BPIFB6: variants seen among roughly 807,000 people sequenced by gnomAD.
The protein encoded by BPIFB6 is BPI fold containing family B member 6.
BPIFB6 carries 47 observed loss-of-function variants against 54.7 expected under a neutral mutation model. The ratio of observed to expected loss-of-function variants is 0.86; its 90% confidence interval spans 0.68 to 1.10. The LOEUF (loss-of-function observed/expected upper bound fraction) is 1.10. Ranked by LOEUF, BPIFB6 falls within the 50% of genes least tolerant of loss-of-function variation. The probability of loss-of-function intolerance (pLI) is 0.00; values close to 1 mark genes in which losing one functional copy is unlikely to be tolerated. For synonymous variants in BPIFB6, 255 were observed against 225.9 expected (o/e 1.13, Z -1.16); for missense variants, 603 against 564.1 (o/e 1.07, Z -0.70).
rs1979646905 is a variant in BPIFB6 at position 33,042,861 on chromosome 20, A to G, written c.1235A>G (p.Tyr412Cys). Reference sequence around the variant, plus strand: ...ATCACCAGCTATCTCGAAGAAGCCTACATCCCAGTTGTCAATGGTGAGGGT... The same window carrying G: ...ATCACCAGCTATCTCGAAGAAGCCTGCATCCCAGTTGTCAATGGTGAGGGT... ...GFITSYLEEA[Y>C]IPVVNDVLQV... Residue 412 changes from tyrosine to cysteine, a missense_variant, in exon 13 of 15, where the codon TAC becomes TGC. Coordinates refer to ENST00000349552, the MANE Select transcript of BPIFB6 (RefSeq NM_174897.2). 1.2e-6 allele frequency: 2 copies of G among 1,614,186 alleles called. No individual in the cohort carries two copies. Among genetic ancestry groups the G allele is most frequent in the Non-Finnish European group, 1.7e-6 (2 of 1,180,002 alleles).
At chr20:33,038,433 A>C (rs550706337) in intron 8 of BPIFB6, among the ~76,000 whole-genome samples, 1 of 151,660 alleles carries the variant, frequency 6.6e-6, no homozygotes, top group Admixed American at 6.6e-5. Context: ...CCATCCACTC[A>C]TCCTCCTATC....
chr20:33,033,144 T>C, intron 2 of BPIFB6, 61 bp downstream of exon 2: 1 of 1,290,170 alleles, frequency 7.8e-7, no homozygotes, highest in East Asian at 2.3e-5. Context: ...GGGATTGCTG[T>C]GCCCAAGATC....
chr20:33,038,792 T>TTA, intron 8 of BPIFB6, 117 bp from the exon 9 acceptor site: 1 of 967,478 alleles, frequency 1.0e-6, no homozygotes, highest in Non-Finnish European at 1.7e-6. Flanking sequence ...ACTCAGAGCG[T>TTA]TAAGTATTGT....
At chr20:33,033,534 G>A (rs1979194202) in intron 2 of BPIFB6, 1 of 456,280 alleles carries the variant, frequency 2.2e-6, no homozygotes, top group Admixed American at 2.3e-5. Context: ...AGGGCTCTGA[G>A]GCACTGTCTG....
At chr20:33,042,102 A>T in intron 12 of BPIFB6, 87 bp downstream of exon 12, 6 of 1,399,586 alleles carry the variant, frequency 4.3e-6, no homozygotes, top group Non-Finnish European at 6.1e-6. Flanking sequence ...GAGGCCCTGA[A>T]ATGGAGGCAG....
chr20:33,035,080 G>A lies in BPIFB6; in HGVS notation c.453-1G>A, dbSNP rs943097932. 1.9e-6 allele frequency: 3 copies of A among 1,613,644 alleles called. No individual in the cohort carries two copies. The African/African-American group carries it at 4.0e-5, about 22-fold the overall frequency. On this transcript the variant is annotated splice_acceptor_variant, in intron 4 of 14. Transcript: ENST00000349552. LOFTEE classifies it high-confidence loss of function. ...TATCCTCGGTGCCTGTGTCCATCTA[G>A]CATGCTCCCCAAGATGGTCAACAAG... is the stretch of plus-strand genomic sequence containing the variant.
chr20:33,032,741 C>T (rs867074530), intron 1 of BPIFB6, among the ~76,000 whole-genome samples: 2 of 152,196 alleles, frequency 1.3e-5, no homozygotes, highest in Non-Finnish European at 1.5e-5. Flanking sequence ...TGATCTGTCA[C>T]CTCCTCCTGG....
Position 33,034,257 on chromosome 20 carries a change from G to A in BPIFB6, c.269G>A (p.Cys90Tyr), listed in dbSNP as rs768019730. Residue 90 changes from cysteine (C) to tyrosine (Y), a missense_variant, in exon 3 of 15, where the codon TGT becomes TAT. Transcript: ENST00000349552. ...GTACCTGGAGTGGGCATCTTCCAAT[G>A]TGTGTCCACAGGCATGACCGTCACT... Reference protein sequence around the residue: ...NFVPGVGIFQCVSTGMTVTGK... With the variant: ...NFVPGVGIFQYVSTGMTVTGK... 2 of 1,614,072 alleles carry A rather than the reference G, an allele frequency of 1.2e-6. No individual in the cohort carries two copies. The highest frequency in any genetic ancestry group is 2.2e-5 in the East Asian group (1 of 44,880).
intron 11 of BPIFB6, 66 bp downstream of exon 11, chr20:33,040,384 A>G (rs1371195428): frequency 6.9e-7 from 1 of 1,451,302 alleles, no homozygotes; most frequent in African/African-American, 1.4e-5. Context: ...GATCTAGCAC[A>G]CCCCACACTA....
At chr20:33,041,100 C>CT (rs1393476009) in intron 11 of BPIFB6, among the ~76,000 whole-genome samples, 3 of 151,742 alleles carry the variant, frequency 2.0e-5, no homozygotes, top group Non-Finnish European at 4.4e-5. Context: ...TGCCATTCTC[C>CT]TGCCTCAACC....
intron 6 of BPIFB6, 101 bp downstream of exon 6, chr20:33,035,773 C>A: frequency 2.4e-6 from 3 of 1,262,724 alleles, no homozygotes; most frequent in Non-Finnish European, 3.5e-6. Context: ...TCCAGCCCAG[C>A]CTTGGGACTA....
intron 12 of BPIFB6, among the ~76,000 whole-genome samples, 197 bp downstream of exon 12, chr20:33,042,212 G>A (rs1358218123): frequency 7.2e-5 from 11 of 152,178 alleles, no homozygotes; most frequent in Non-Finnish European, 1.3e-4. Context: ...TCCTTTTCTG[G>A]ATAGAATCTG....
intron 11 of BPIFB6, among the ~76,000 whole-genome samples, chr20:33,041,051 G>A (rs1047411201): frequency 4.1e-5 from 6 of 147,044 alleles, no homozygotes; most frequent in Admixed American, 6.8e-5. Context: ...GTGCAGTGGC[G>A]CAATCTCGGC....
intron 6 of BPIFB6, 95 bp downstream of exon 6, chr20:33,035,767 G>C: frequency 7.5e-7 from 1 of 1,330,356 alleles, no homozygotes; most frequent in Non-Finnish European, 1.1e-6. Flanking sequence ...CCTGCTTCCA[G>C]CCCAGCCTTG....
intron 12 of BPIFB6, 43 bp from the exon 13 acceptor site, chr20:33,042,772 T>C (rs1287291780): frequency 2.5e-6 from 4 of 1,572,196 alleles, no homozygotes; most frequent in Admixed American, 1.7e-5. Context: ...TGAATGGTAT[T>C]GGACTGAATG....
At chr20:33,032,919 G>A in intron 1 of BPIFB6, 65 bp from the exon 2 acceptor site, 1 of 1,320,718 alleles carries the variant, frequency 7.6e-7, no homozygotes, top group South Asian at 1.2e-5. Context: ...GTGACGGTGA[G>A]TGGCCTGGGA....
intron 7 of BPIFB6, 90 bp from the exon 8 acceptor site, chr20:33,037,472 C>A: frequency 7.5e-7 from 1 of 1,328,802 alleles, no homozygotes; most frequent in Non-Finnish European, 1.0e-6. Flanking sequence ...TTGGGTTTGG[C>A]TGGAGCCCCA....
chr20:33,040,281 C>G lies in BPIFB6; in HGVS notation c.1105C>G (p.His369Asp). ...HFNLKVQYSV[H>D]ENQLQMATSL... ...CAATCTGAAGGTCCAGTACTCAGTG[C>G]ATGAGAACCAGCTGCAGATGGCCAC... is the stretch of plus-strand genomic sequence containing the variant. The change falls in exon 11 of 15, where the codon CAT (histidine) becomes GAT (aspartate). Residue 369 changes from histidine (H) to aspartate (D), a missense_variant. His to Asp is a moderately conservative substitution (Grantham distance 81). Transcript: ENST00000349552. 6.2e-7 allele frequency: 1 copy of G among 1,614,130 alleles called. No individual in the cohort carries two copies. Among genetic ancestry groups the G allele is most frequent in the Non-Finnish European group, 8.5e-7 (1 of 1,180,006 alleles).
intron 7 of BPIFB6, 75 bp from the exon 8 acceptor site, chr20:33,037,487 C>A: frequency 6.9e-7 from 1 of 1,450,340 alleles, no homozygotes; most frequent in Non-Finnish European, 9.3e-7. Context: ...GCCCCATTTG[C>A]TTGGAGGACT....
Sources: gnomAD v4.1 joint callset for allele counts (sites outside exome capture counted in the v4.1 genomes callset) on GRCh38, gnomAD v4.1.1 for gene constraint, MANE v1.5 for transcripts, NCBI Gene and HGNC (gene_info 2026-07-23, HGNC 2026-07-21) for gene names.